The following CNNM2 variants were observed in gnomAD, a reference collection of about 807,000 sequenced individuals.
CNNM2 encodes cyclin and CBS domain divalent metal cation transport mediator 2.
In CNNM2, 12 loss-of-function variants were observed where a neutral mutation model predicts 66.9. The ratio of observed to expected loss-of-function variants is 0.18; its 90% CI spans 0.11 to 0.29. The LOEUF (loss-of-function observed/expected upper bound fraction) is 0.29, where lower values mean the gene tolerates loss of function less well. CNNM2 is among the 10% of genes least tolerant of loss of function. CNNM2 has a pLI of 1.00. For missense variants in CNNM2, 705 were observed against 1,167.7 expected, an observed-to-expected ratio of 0.60 and a Z score of 5.77; for synonymous variants, 557 against 501.8, an observed-to-expected ratio of 1.11 and a Z score of -1.47.
chr10:102,935,316 A>T (rs111424322), intron 1 of CNNM2, among the ~76,000 whole-genome samples: 21 of 151,802 alleles, frequency 1.4e-4, no homozygotes, highest in Admixed American at 7.2e-4. Flanking sequence ...ATAAAAAGAA[A>T]ATGGGTGTGG....
At chr10:103,064,903 C>A (rs2065450556) in intron 4 of CNNM2, among the ~76,000 whole-genome samples, 1 of 152,126 alleles carries the variant, frequency 6.6e-6, no homozygotes, top group Non-Finnish European at 1.5e-5. Flanking sequence ...AAAAATTTGG[C>A]AACCCCGTAT....
rs529964922 is a variant in CNNM2 at position 102,999,426 on chromosome 10, T to TG, written c.1622-50281_1622-50280insG. ...ATACACTTGGATCTGATAATGAAATTAAGAAAAGAGTTTTATTTACAATAA... is the reference window on the plus strand; with the variant it reads ...ATACACTTGGATCTGATAATGAAATTGAAGAAAAGAGTTTTATTTACAATAA... On this transcript the variant is annotated intron_variant, in intron 1 of 7. Coordinates refer to ENST00000369878, the MANE Select transcript of CNNM2 (RefSeq NM_017649.5). Among the ~76,000 whole-genome samples the TG allele has an allele frequency of 7.1e-4, 108 of 152,060 alleles. 1 individual carries two copies. The highest frequency in any genetic ancestry group is 2.5e-3 in the African/African-American group (105 of 41,510).
intron 1 of CNNM2, among the ~76,000 whole-genome samples, chr10:102,981,655 C>T (rs941530561): frequency 4.0e-5 from 6 of 151,802 alleles, no homozygotes; most frequent in African/African-American, 1.2e-4. Context: ...GGCCTCCCAA[C>T]GTGCTGGGAT....
chr10:103,060,848 A>G (rs770654241), intron 4 of CNNM2, among the ~76,000 whole-genome samples: 8 of 152,190 alleles, frequency 5.3e-5, no homozygotes, highest in Non-Finnish European at 1.0e-4. Context: ...CGCATGTACT[A>G]TTTAATTTAA....
intron 1 of CNNM2, among the ~76,000 whole-genome samples, chr10:102,970,093 C>T (rs377518487): frequency 3.6e-4 from 55 of 152,296 alleles, no homozygotes; most frequent in African/African-American, 1.2e-3. Flanking sequence ...TACCTGTGGC[C>T]TGCCACCTGC....
At chr10:103,057,131 A>G (rs2065308582) in intron 4 of CNNM2, among the ~76,000 whole-genome samples, 167 bp downstream of exon 4, 1 of 152,190 alleles carries the variant, frequency 6.6e-6, no homozygotes, top group Non-Finnish European at 1.5e-5. Flanking sequence ...AGTAATTCTA[A>G]TATAAAGCAA....
At chr10:102,958,714 C>T (rs1255507919) in intron 1 of CNNM2, among the ~76,000 whole-genome samples, 3 of 152,018 alleles carry the variant, frequency 2.0e-5, no homozygotes, top group Non-Finnish European at 4.4e-5. Context: ...AGGTGATCTA[C>T]ATGCCTTGGC....
intron 1 of CNNM2, among the ~76,000 whole-genome samples, chr10:103,015,625 G>C (rs1416484124): frequency 2.6e-5 from 4 of 152,070 alleles, no homozygotes; most frequent in East Asian, 1.9e-4. Flanking sequence ...AGGCCAAGGA[G>C]GGTGGATCAC....
At chr10:102,957,230 T>C (rs1054633259) in intron 1 of CNNM2, among the ~76,000 whole-genome samples, 1 of 152,128 alleles carries the variant, frequency 6.6e-6, no homozygotes, top group Non-Finnish European at 1.5e-5. Flanking sequence ...GCCTTGTACC[T>C]GGGAGGCGGA....
At chr10:102,932,053 A>T (rs958767979) in intron 1 of CNNM2, among the ~76,000 whole-genome samples, 1 of 151,930 alleles carries the variant, frequency 6.6e-6, no homozygotes. Flanking sequence ...GAGTTGTAAG[A>T]GTTCTTTTTA....
intron 1 of CNNM2, among the ~76,000 whole-genome samples, chr10:102,949,791 AAAT>A (rs1033130862): frequency 2.6e-5 from 4 of 151,994 alleles, no homozygotes; most frequent in East Asian, 3.9e-4. Context: ...ACTCCATCTC[AAAT>A]AATAATAATA....
intron 1 of CNNM2, among the ~76,000 whole-genome samples, chr10:103,020,155 T>C (rs1449717588): frequency 2.0e-5 from 3 of 152,000 alleles, no homozygotes; most frequent in Non-Finnish European, 4.4e-5. Flanking sequence ...GCATTTTTGT[T>C]CTTTTTTTTT....
At position 103,086,275 on chromosome 10, in the gene CNNM2, GATC is replaced by G. The variant is rs1372929486; in HGVS notation, c.*9101_*9103del. The stretch of plus-strand genomic sequence containing the variant: ...GCTGGATTCCCTGATCACCACTAAA[GATC>G]ATCATGAGAAACATAAGTATTTGAG... On this transcript the variant is annotated 3_prime_UTR_variant, in exon 8 of 8. Transcript: ENST00000369878. 2 of 152,224 alleles carry G rather than the reference GATC, an allele frequency of 1.3e-5. No homozygotes were observed. The highest frequency in any genetic ancestry group is 4.8e-5 in the African/African-American group (2 of 41,450). The allele number at this position is 152,224 out of a possible 1,614,324, so 9.4% of individuals were successfully genotyped here.
At chr10:102,976,016 T>G (rs1039878420) in intron 1 of CNNM2, among the ~76,000 whole-genome samples, 2 of 152,184 alleles carry the variant, frequency 1.3e-5, no homozygotes, top group African/African-American at 4.8e-5. Flanking sequence ...TCACTGGTTC[T>G]TTCAATTGAG....
chr10:102,982,744 G>A (rs1404965756), intron 1 of CNNM2, among the ~76,000 whole-genome samples: 1 of 152,174 alleles, frequency 6.6e-6, no homozygotes, highest in East Asian at 1.9e-4. Flanking sequence ...AATGTTTGTT[G>A]TTCTGAATTG....
rs3781283 is a variant in CNNM2 at position 103,073,291 on chromosome 10, G to A, written c.2233+1452G>A. On this transcript the variant is annotated intron_variant, in intron 6 of 7. Transcript: ENST00000369878. Reference sequence around the variant, plus strand: ...AATCCCCCTAAAATCCTTCTCAGGAGAAAACAGGAGACTCAGAATTACTGC... The same window carrying A: ...AATCCCCCTAAAATCCTTCTCAGGAAAAAACAGGAGACTCAGAATTACTGC... 0.02 allele frequency among the ~76,000 whole-genome samples: 3,008 copies of A among 152,328 alleles called. 51 individuals carry two copies. The highest frequency in any genetic ancestry group is 0.084 in the South Asian group (407 of 4,826).
chr10:103,077,212 C>T lies in CNNM2; in HGVS notation c.*32C>T. 6.3e-7 allele frequency: 1 copy of T among 1,592,726 alleles called. No individual in the cohort carries two copies. Among genetic ancestry groups the T allele is most frequent in the East Asian group, 2.2e-5 (1 of 44,720 alleles). ...CTGGCTGCACCCGCCCAGGCCCGCA[C>T]CCGCCCAGTCCCGAGGGCCCGGCCC... On this transcript the variant is annotated 3_prime_UTR_variant, in exon 8 of 8. Transcript: ENST00000369878.
chr10:102,944,193 C>G (rs1364218444), intron 1 of CNNM2, among the ~76,000 whole-genome samples: 1 of 149,554 alleles, frequency 6.7e-6, no homozygotes, highest in Non-Finnish European at 1.5e-5. Flanking sequence ...ATTCTCCTGT[C>G]TCAGCCCCCC....
chr10:103,069,187 G>C (rs573759410), intron 5 of CNNM2, among the ~76,000 whole-genome samples: 1 of 152,318 alleles, frequency 6.6e-6, no homozygotes, highest in South Asian at 2.1e-4. Flanking sequence ...GTATGCCACT[G>C]TGTGAATACA....
Sources: gnomAD v4.1 joint callset for allele counts (sites outside exome capture counted in the v4.1 genomes callset) on GRCh38, gnomAD v4.1.1 for gene constraint, MANE v1.5 for transcripts, NCBI Gene and HGNC (gene_info 2026-07-23, HGNC 2026-07-21) for gene names.